Variants in RNF220 observed in about 807,000 individuals in gnomAD.
RNF220 encodes E3 ubiquitin-protein ligase RNF220.
Under a neutral mutation model 67.1 loss-of-function variants are expected in RNF220, and 7 were observed. The observed-to-expected ratio is 0.10, with a 90% CI of 0.06 to 0.20. The LOEUF (loss-of-function observed/expected upper bound fraction) is 0.20. Among genes scored for constraint, RNF220 ranks in the 10% least tolerant of loss-of-function variants. RNF220 has a pLI of 1.00. For missense variants in RNF220, 565 were observed against 740.3 expected (o/e 0.76, Z 2.75); for synonymous variants, 270 against 283.2 (o/e 0.95, Z 0.47).
chr1:44,405,400 TGCCGCCGCCGCC>T lies in RNF220; in HGVS notation c.-239_-228del, dbSNP rs1024684613. ...CTACTGCTGCTGCTGCTGCTGCCGC[TGCCGCCGCCGCC>T]GCCGCCGCTGCCTCCGCCGGCTCTG... On this transcript the variant is annotated 5_prime_UTR_variant, in exon 1 of 15. Coordinates refer to ENST00000361799, the MANE Select transcript of RNF220 (RefSeq NM_018150.4). The T allele has an allele frequency of 3.2e-6, 2 of 626,220 alleles. No individual in the cohort carries two copies. The highest frequency in any genetic ancestry group is 3.2e-5 in the East Asian group (1 of 30,784). The allele number at this position is 626,220 out of a possible 1,614,324, so 38.8% of individuals were successfully genotyped here.
chr1:44,592,802 T>A (rs1359274912), intron 2 of RNF220, among the ~76,000 whole-genome samples: 2 of 151,934 alleles, frequency 1.3e-5, no homozygotes, highest in African/African-American at 2.4e-5. Context: ...CAAGACCAGG[T>A]CTCCCCGAGG....
chr1:44,623,669 G>GGA (rs1222566177), intron 4 of RNF220, among the ~76,000 whole-genome samples: 1 of 152,228 alleles, frequency 6.6e-6, no homozygotes. Context: ...AATCAGTGAA[G>GGA]GAGAGTGTTT....
At chr1:44,488,086 T>G (rs1432009345) in intron 2 of RNF220, among the ~76,000 whole-genome samples, 1 of 150,030 alleles carries the variant, frequency 6.7e-6, no homozygotes, top group Non-Finnish European at 1.5e-5. Flanking sequence ...TCCTTCTGCC[T>G]CAGTCTCCTG....
intron 2 of RNF220, among the ~76,000 whole-genome samples, chr1:44,491,397 G>A (rs1337766804): frequency 6.6e-6 from 1 of 151,990 alleles, no homozygotes; most frequent in Admixed American, 6.6e-5. Context: ...ATTATATACT[G>A]TGACCACGTG....
chr1:44,475,251 T>A (rs1194183178), intron 2 of RNF220, among the ~76,000 whole-genome samples: 2 of 152,148 alleles, frequency 1.3e-5, no homozygotes, highest in Non-Finnish European at 2.9e-5. Context: ...GGAGAATGAA[T>A]CTATATTTAT....
intron 2 of RNF220, among the ~76,000 whole-genome samples, chr1:44,508,883 A>T (rs1658686632): frequency 6.6e-6 from 1 of 152,182 alleles, no homozygotes; most frequent in African/African-American, 2.4e-5. Flanking sequence ...GTGGGGACAG[A>T]TGGAAAGGAG....
chr1:44,411,379 G>T (rs891064131), intron 1 of RNF220, among the ~76,000 whole-genome samples: 1 of 151,810 alleles, frequency 6.6e-6, no homozygotes, highest in Non-Finnish European at 1.5e-5. Context: ...AGTCTTAGAT[G>T]ATACATGAAG....
chr1:44,407,285 G>T (rs1273618717), intron 1 of RNF220, among the ~76,000 whole-genome samples: 1 of 152,058 alleles, frequency 6.6e-6, no homozygotes, highest in Non-Finnish European at 1.5e-5. Context: ...GGAGAGAAAG[G>T]AAAAATAAAG....
intron 3 of RNF220, among the ~76,000 whole-genome samples, chr1:44,619,034 G>A (rs979814417): frequency 6.6e-6 from 1 of 151,906 alleles, no homozygotes; most frequent in African/African-American, 2.4e-5. Context: ...GGGACTGGAT[G>A]TGTGGAGAGA....
At chr1:44,450,966 G>T (rs768668568) in intron 2 of RNF220, among the ~76,000 whole-genome samples, 42 of 152,068 alleles carry the variant, frequency 2.8e-4, no homozygotes, top group Admixed American at 1.2e-3. Flanking sequence ...GGCGGATCAC[G>T]AGGTCAGGAG....
At chr1:44,418,299 A>T (rs1648810705) in intron 2 of RNF220, among the ~76,000 whole-genome samples, 1 of 151,902 alleles carries the variant, frequency 6.6e-6, no homozygotes, top group Admixed American at 6.6e-5. Flanking sequence ...TGGAGGAGGG[A>T]GGTTGGACGT....
chr1:44,538,147 A>G lies in RNF220; in HGVS notation c.626-76018A>G, dbSNP rs564140284. ...TGTTCATGCCTTCAAGTTGTTGATA[A>G]AAATGCTGTACAGGACAAAGGACAA... On this transcript the variant is annotated intron_variant, in intron 2 of 14. Coordinates refer to ENST00000361799, the MANE Select transcript of RNF220 (RefSeq NM_018150.4). Among the ~76,000 whole-genome samples, 7 of 152,334 alleles carry G rather than the reference A, an allele frequency of 4.6e-5. No individual in the cohort carries two copies. The East Asian group carries it at 1.2e-3, about 25-fold the overall frequency.
At position 44,571,075 on chromosome 1, in the gene RNF220, A is replaced by AG. The variant is rs1664408782; in HGVS notation, c.626-43089dup. On this transcript the variant is annotated intron_variant, in intron 2 of 14. Transcript: ENST00000361799. The stretch of plus-strand genomic sequence containing the variant: ...GGTGACAGAGAGAGACTCCATCTGA[A>AG]GAAAAAAAAAAAAGATAAATCAGAT... 3.0e-5 allele frequency among the ~76,000 whole-genome samples: 4 copies of AG among 133,002 alleles called. No homozygotes were observed. In the South Asian group the frequency reaches 1.1e-3, roughly 36 times the overall value. The allele number at this position is 133,002 out of a possible 152,430, so 87.3% of individuals were successfully genotyped here. A position where few individuals can be genotyped will look rare whatever the true frequency, so the allele number is the denominator to read the frequency against.
intron 5 of RNF220, 172 bp from the exon 6 acceptor site, chr1:44,632,171 G>A (rs1444549844): frequency 6.4e-7 from 1 of 1,561,944 alleles, no homozygotes; most frequent in African/African-American, 1.4e-5. Flanking sequence ...AGAGCCCGGA[G>A]CGGCCGGAGG....
At chr1:44,589,809 A>G (rs1572970911) in intron 2 of RNF220, among the ~76,000 whole-genome samples, 2 of 152,114 alleles carry the variant, frequency 1.3e-5, no homozygotes, top group South Asian at 4.1e-4. Context: ...AATTTAATAT[A>G]TGTTTATAAA....
chr1:44,610,181 C>G (rs963709990), intron 2 of RNF220, among the ~76,000 whole-genome samples: 3 of 152,360 alleles, frequency 2.0e-5, no homozygotes, highest in African/African-American at 7.2e-5. Context: ...GCGTTCCCCC[C>G]ACGCACTCAC....
intron 2 of RNF220, among the ~76,000 whole-genome samples, chr1:44,596,634 A>G (rs1452987573): frequency 6.6e-6 from 1 of 152,136 alleles, no homozygotes; most frequent in Non-Finnish European, 1.5e-5. Context: ...CTCAGTCACA[A>G]AAAAAATAAA....
At chr1:44,489,720 G>T (rs543912143) in intron 2 of RNF220, among the ~76,000 whole-genome samples, 1 of 152,364 alleles carries the variant, frequency 6.6e-6, no homozygotes, top group Admixed American at 6.5e-5. Flanking sequence ...AATCATTGAG[G>T]CCAGGGAGAA....
In RNF220 at chr1:44,559,709, G is replaced by A. The variant is rs995808267; in HGVS notation, c.626-54456G>A. 7.2e-5 allele frequency among the ~76,000 whole-genome samples: 11 copies of A among 152,206 alleles called. No homozygotes were observed. In the East Asian group the frequency reaches 9.7e-4, roughly 13 times the overall value. On this transcript the variant is annotated intron_variant, in intron 2 of 14. Coordinates refer to ENST00000361799, the MANE Select transcript of RNF220 (RefSeq NM_018150.4). ...CCAGAGCTGAAGGAAGGGGGCCTGC[G>A]CAGTGTGCGAGGGAGCTTTGGAAGC...
Sources: allele counts gnomAD v4.1 joint callset (sites outside exome capture counted in the v4.1 genomes callset), GRCh38; gene constraint gnomAD v4.1.1; transcripts MANE v1.5; gene names NCBI Gene and HGNC (gene_info 2026-07-23, HGNC 2026-07-21).